Variants in TNIK observed in about 807,000 individuals in gnomAD.
The protein encoded by TNIK is TRAF2 and NCK-interacting protein kinase.
In TNIK, 49 loss-of-function variants were observed where a neutral mutation model predicts 191.3. The observed-to-expected ratio is 0.26, with a 90% confidence interval of 0.20 to 0.32. The LOEUF (loss-of-function observed/expected upper bound fraction) is 0.32, where lower values mean the gene tolerates loss of function less well. Ranked by LOEUF, TNIK falls within the 10% of genes least tolerant of loss-of-function variation. The probability of loss-of-function intolerance (pLI) is 1.00; values close to 1 mark genes in which losing one functional copy is unlikely to be tolerated. For missense variants in TNIK, 1,155 were observed against 1,702.3 expected, an observed-to-expected ratio of 0.68 and a Z score of 5.66; for synonymous variants, 594 against 600.9, an observed-to-expected ratio of 0.99 and a Z score of 0.17.
intron 21 of TNIK, chr3:171,101,850 A>G: frequency 1.9e-6 from 1 of 526,314 alleles, no homozygotes; most frequent in Non-Finnish European, 3.3e-6. Flanking sequence ...TTCAAAACCA[A>G]TAGCTAGACT....
intron 2 of TNIK, among the ~76,000 whole-genome samples, chr3:171,307,548 T>G (rs1186387069): frequency 6.6e-6 from 1 of 152,144 alleles, no homozygotes; most frequent in African/African-American, 2.4e-5. Context: ...TTGTTTTGAG[T>G]TTTCTTACTT....
At chr3:171,370,019 T>A (rs1210960716) in intron 1 of TNIK, among the ~76,000 whole-genome samples, 2 of 152,338 alleles carry the variant, frequency 1.3e-5, no homozygotes, top group Admixed American at 1.3e-4. Flanking sequence ...TACAGCAAGA[T>A]AAAGTGAAAG....
intron 2 of TNIK, among the ~76,000 whole-genome samples, chr3:171,242,064 A>C (rs9815727): frequency 0.41 from 62,513 of 151,354 alleles, 13,728 homozygotes; most frequent in East Asian, 0.55. Flanking sequence ...CACCTAATGT[A>C]AATGACAAGT....
At chr3:171,085,030 C>A (rs1265026447) in intron 25 of TNIK, 88 bp downstream of exon 25, 2 of 1,065,974 alleles carry the variant, frequency 1.9e-6, no homozygotes, top group Non-Finnish European at 1.3e-6. Flanking sequence ...ATCAGCTTAA[C>A]TACTGAACTG....
intron 2 of TNIK, among the ~76,000 whole-genome samples, chr3:171,271,528 GTTC>G (rs1208133985): frequency 6.6e-6 from 1 of 152,136 alleles, no homozygotes; most frequent in Non-Finnish European, 1.5e-5. Context: ...AATCTTACTT[GTTC>G]TTCAAGATTA....
At chr3:171,076,228 T>A (rs921561493) in intron 28 of TNIK, among the ~76,000 whole-genome samples, 2 of 152,080 alleles carry the variant, frequency 1.3e-5, no homozygotes, top group Admixed American at 1.3e-4. Context: ...CCTAATATTG[T>A]GTCAAGGTTA....
rs375071277 is a variant in TNIK at position 171,066,229 on chromosome 3, C to T, written c.3957G>A (p.Lys1319=). The T allele has an allele frequency of 1.9e-6, 3 of 1,613,814 alleles. No homozygotes were observed. Among genetic ancestry groups the T allele is most frequent in the East Asian group, 4.5e-5 (2 of 44,888 alleles). ...TGHLDGVFMH[K]RAQRLKFLCE... is the part of the protein sequence containing the mutation. ...ATAGAAACTTTAACCTTTGAGCTCG[C>T]TTATGCATAAATACTCCATCCAAAT... is the stretch of plus-strand genomic sequence containing the variant. The change falls in exon 32 of 33, where the codon AAG becomes AAA. Residue 1319 remains lysine (K), a synonymous_variant. Coordinates refer to ENST00000436636, the MANE Select transcript of TNIK (RefSeq NM_015028.4).
intron 1 of TNIK, among the ~76,000 whole-genome samples, chr3:171,400,572 C>CAGTAAATAAATAAATAAATAAATA (rs1553770008): frequency 6.9e-6 from 1 of 145,744 alleles, no homozygotes; most frequent in Non-Finnish European, 1.5e-5. Flanking sequence ...TCCTATCTCA[C>CAGTAAATAAATAAATAAATAAATA]AATAAATAAA....
chr3:171,416,163 T>A (rs1221044111), intron 1 of TNIK, among the ~76,000 whole-genome samples: 1 of 152,016 alleles, frequency 6.6e-6, no homozygotes, highest in Non-Finnish European at 1.5e-5. Context: ...CTAGGCTATC[T>A]TTTTGAGAAG....
Position 171,430,647 on chromosome 3 carries a change from C to CAAA in TNIK, c.57+29357_57+29359dup, listed in dbSNP as rs34307433. On this transcript the variant is annotated intron_variant, in intron 1 of 32. Coordinates refer to ENST00000436636, the MANE Select transcript of TNIK (RefSeq NM_015028.4). ...GTGACACCTTGTCTCAAAAAACAGA[C>CAAA]AAAAAAAAAAAAAAAGAAATGAAAT... 9.2e-3 allele frequency among the ~76,000 whole-genome samples: 1,046 copies of CAAA among 113,934 alleles called. 9 individuals carry two copies. The highest frequency in any genetic ancestry group is 0.015 in the Non-Finnish European group (826 of 56,534). 74.7% of individuals were successfully genotyped at this position (113,934 alleles called of 152,430 possible). A position where few individuals can be genotyped will look rare whatever the true frequency, so the allele number is the denominator to read the frequency against.
chr3:171,194,527 G>A lies in TNIK; in HGVS notation c.415C>T (p.Arg139Trp), dbSNP rs772057234. 19 of 1,613,280 alleles carry A rather than the reference G, an allele frequency of 1.2e-5. No homozygotes were observed. Among genetic ancestry groups the A allele is most frequent in the South Asian group, 3.3e-5 (3 of 91,004 alleles). ...GCCAGTCCCCACTCGTAACCTACCC[G>A]TAAGATTTCCCTGCAGATGTATGCA... ...WIAYICREIL[R>W]GLSHLHQHKV... The change falls in exon 5 of 33, where the codon CGG becomes TGG. Residue 139 changes from arginine (R) to tryptophan (W), a missense_variant and splice_region_variant. Around this residue, in one of 3 missense-constraint regions of TNIK, gnomAD observed 225 missense variants for 438.9 expected, o/e 0.51. Coordinates refer to ENST00000436636, the MANE Select transcript of TNIK (RefSeq NM_015028.4).
At chr3:171,302,893 C>A (rs184877011) in intron 2 of TNIK, among the ~76,000 whole-genome samples, 174 of 152,266 alleles carry the variant, frequency 1.1e-3, no homozygotes, top group African/African-American at 4.0e-3. Context: ...CACATCCAGC[C>A]CAAGTCTCTC....
At position 171,071,825 on chromosome 3, in the gene TNIK, G is replaced by C. The variant is rs982133681; in HGVS notation, c.3449-502C>G. Among the ~76,000 whole-genome samples the C allele has an allele frequency of 4.6e-5, 7 of 152,226 alleles. No individual in the cohort carries two copies. In the South Asian group the frequency reaches 1.0e-3, roughly 23 times the overall value. ...TGCTTATTTATGCTTCTAACGAAAG[G>C]GGGGTGTTAGGAGTCTTGGGTTCTG... On this transcript the variant is annotated intron_variant, in intron 28 of 32. Coordinates refer to ENST00000436636, the MANE Select transcript of TNIK (RefSeq NM_015028.4).
At chr3:171,378,184 C>A (rs956803770) in intron 1 of TNIK, among the ~76,000 whole-genome samples, 5 of 152,122 alleles carry the variant, frequency 3.3e-5, no homozygotes, top group African/African-American at 1.2e-4. Context: ...AAGCTAGTTT[C>A]TTTTTTTCCT....
chr3:171,382,861 C>T (rs1207889423), intron 1 of TNIK, among the ~76,000 whole-genome samples: 3 of 152,108 alleles, frequency 2.0e-5, no homozygotes, highest in Admixed American at 6.5e-5. Flanking sequence ...CTACTCTACT[C>T]TGACTGAAAG....
intron 7 of TNIK, among the ~76,000 whole-genome samples, chr3:171,185,178 C>CGTGTGTGTGTGTGTGTGTGTGTGTGT (rs148499254): frequency 4.2e-4 from 62 of 145,972 alleles, no homozygotes; most frequent in Admixed American, 1.9e-3. Context: ...ATAGATTTCC[C>CGTGTGTGTGTGTGTGTGTGTGTGTGT]GTGTGTGTGT....
chr3:171,093,406 G>T (rs889355903), intron 23 of TNIK, among the ~76,000 whole-genome samples: 5 of 152,158 alleles, frequency 3.3e-5, no homozygotes, highest in Non-Finnish European at 4.4e-5. Context: ...AAGATAAGAT[G>T]ATATCATCAT....
At chr3:171,083,563 A>G (rs1720949702) in intron 26 of TNIK, among the ~76,000 whole-genome samples, 1 of 152,216 alleles carries the variant, frequency 6.6e-6, no homozygotes, top group Admixed American at 6.5e-5. Flanking sequence ...AAACCTGCAG[A>G]TCTTTTTCAC....
chr3:171,383,272 A>G (rs915595728), intron 1 of TNIK, among the ~76,000 whole-genome samples: 1 of 152,232 alleles, frequency 6.6e-6, no homozygotes, highest in African/African-American at 2.4e-5. Context: ...AAACCAGAGC[A>G]TGCTGGAGCT....
Sources: allele counts gnomAD v4.1 joint callset (sites outside exome capture counted in the v4.1 genomes callset), GRCh38; gene constraint gnomAD v4.1.1; regional missense constraint gnomAD v4.1.1; transcripts MANE v1.5; gene names NCBI Gene and HGNC (gene_info 2026-07-23, HGNC 2026-07-21).